RABGAP1L: variants seen among roughly 807,000 people sequenced by gnomAD.
The protein encoded by RABGAP1L is RAB GTPase activating protein 1 like.
Under a neutral mutation model 137.7 loss-of-function variants are expected in RABGAP1L, and 63 were observed. The ratio of observed to expected loss-of-function variants is 0.46; its 90% CI spans 0.37 to 0.56. RABGAP1L has a LOEUF of 0.56. Ranked by LOEUF, RABGAP1L falls within the 20% of genes least tolerant of loss-of-function variation. The probability of loss-of-function intolerance (pLI) is 0.00; values close to 1 mark genes in which losing one functional copy is unlikely to be tolerated. For synonymous variants in RABGAP1L, 431 were observed against 433.7 expected (o/e 0.99, Z 0.08); for missense variants, 1,095 against 1,244.0 (o/e 0.88, Z 1.80).
intron 18 of RABGAP1L, among the ~76,000 whole-genome samples, chr1:174,782,837 A>G (rs937112047): frequency 6.6e-6 from 1 of 152,206 alleles, no homozygotes; most frequent in South Asian, 2.1e-4. Flanking sequence ...TAAAATGCAA[A>G]TTAGGCTAAA....
chr1:174,942,783 C>G (rs968439754), intron 19 of RABGAP1L, among the ~76,000 whole-genome samples: 2 of 152,144 alleles, frequency 1.3e-5, no homozygotes, highest in African/African-American at 4.8e-5. Context: ...AGTGTGCAGT[C>G]CTTCTGTCTG....
At chr1:174,673,781 TG>T (rs1479346815) in intron 14 of RABGAP1L, among the ~76,000 whole-genome samples, 7 of 152,182 alleles carry the variant, frequency 4.6e-5, no homozygotes, top group Non-Finnish European at 7.4e-5. Context: ...TTATATGGAC[TG>T]GGGTTCTAGA....
chr1:174,653,232 G>A lies in RABGAP1L; in HGVS notation c.1824+15744G>A, dbSNP rs183182512. 1.1e-4 allele frequency among the ~76,000 whole-genome samples: 17 copies of A among 152,298 alleles called. No individual in the cohort carries two copies. The East Asian group carries it at 3.3e-3, about 29-fold the overall frequency. On this transcript the variant is annotated intron_variant, in intron 14 of 25. Coordinates refer to ENST00000681986, the MANE Select transcript of RABGAP1L (RefSeq NM_001366446.1). ...AAGACAGCAGATCTTAGCTTGCTGG[G>A]CTCCATGGGGGTGGGATCTGCTGAG...
At chr1:174,373,195 A>G (rs867253028) in intron 12 of RABGAP1L, among the ~76,000 whole-genome samples, 1 of 152,164 alleles carries the variant, frequency 6.6e-6, no homozygotes, top group African/African-American at 2.4e-5. Context: ...TGTGGGATGG[A>G]GAGCGGCAGG....
At chr1:174,346,623 T>G (rs1682454398) in intron 11 of RABGAP1L, among the ~76,000 whole-genome samples, 6 of 152,070 alleles carry the variant, frequency 3.9e-5, no homozygotes, top group Admixed American at 3.9e-4. Context: ...TATTTGGGGC[T>G]TCTCTTTTTT....
At chr1:174,623,005 C>G (rs1572567762) in intron 13 of RABGAP1L, among the ~76,000 whole-genome samples, 1 of 152,238 alleles carries the variant, frequency 6.6e-6, no homozygotes, top group Non-Finnish European at 1.5e-5. Context: ...GTTATGTGAT[C>G]AACTTTTCAC....
At chr1:174,951,675 C>T (rs1415921316) in intron 19 of RABGAP1L, among the ~76,000 whole-genome samples, 1 of 152,072 alleles carries the variant, frequency 6.6e-6, no homozygotes, top group East Asian at 1.9e-4. Flanking sequence ...CAGCCCCCAA[C>T]ATCCACACCT....
chr1:174,655,734 T>C (rs1675920548), intron 14 of RABGAP1L, among the ~76,000 whole-genome samples: 1 of 152,244 alleles, frequency 6.6e-6, no homozygotes, highest in South Asian at 2.1e-4. Context: ...TGAATTCTCA[T>C]TTTATTCAAT....
intron 19 of RABGAP1L, among the ~76,000 whole-genome samples, chr1:174,841,746 G>A (rs555320367): frequency 1.3e-5 from 2 of 152,112 alleles, no homozygotes; most frequent in Middle Eastern, 3.4e-3. Flanking sequence ...GTTCAATCCT[G>A]TGCAAATTAA....
At chr1:174,689,311 T>G (rs975275944) in intron 15 of RABGAP1L, among the ~76,000 whole-genome samples, 15 of 151,812 alleles carry the variant, frequency 9.9e-5, no homozygotes, top group Admixed American at 7.2e-4. Context: ...AAAGGCTTCA[T>G]TTTGAAGTCT....
intron 3 of RABGAP1L, among the ~76,000 whole-genome samples, chr1:174,223,052 G>A (rs570615820): frequency 4.0e-5 from 6 of 151,762 alleles, no homozygotes; most frequent in Admixed American, 2.0e-4. Context: ...GGCAGGTCAC[G>A]AGATCAGGAG....
chr1:174,596,554 T>C (rs1195048426), intron 13 of RABGAP1L, among the ~76,000 whole-genome samples: 1 of 152,246 alleles, frequency 6.6e-6, no homozygotes, highest in Admixed American at 6.5e-5. Context: ...TTGATTTTCA[T>C]ATATTGATTT....
chr1:174,348,940 T>C (rs1682723083), intron 11 of RABGAP1L, among the ~76,000 whole-genome samples: 1 of 152,152 alleles, frequency 6.6e-6, no homozygotes, highest in South Asian at 2.1e-4. Flanking sequence ...AAGCCGCCAT[T>C]GTCATCCTGG....
chr1:174,614,837 A>G (rs542307095), intron 13 of RABGAP1L, among the ~76,000 whole-genome samples: 134 of 152,178 alleles, frequency 8.8e-4, no homozygotes, highest in African/African-American at 2.9e-3. Context: ...TTGATCTTCC[A>G]TCACTGATAC....
intron 14 of RABGAP1L, among the ~76,000 whole-genome samples, chr1:174,680,574 A>T (rs1429413944): frequency 6.6e-6 from 1 of 152,218 alleles, no homozygotes; most frequent in African/African-American, 2.4e-5. Context: ...CATATACAGA[A>T]TGAAGAACTC....
chr1:174,335,244 A>T (rs1365436856), intron 11 of RABGAP1L, among the ~76,000 whole-genome samples: 1 of 152,244 alleles, frequency 6.6e-6, no homozygotes. Flanking sequence ...TGGCATAAAA[A>T]TGCTTTCCTG....
intron 11 of RABGAP1L, among the ~76,000 whole-genome samples, chr1:174,317,885 A>G (rs565602502): frequency 3.3e-5 from 5 of 152,262 alleles, no homozygotes; most frequent in South Asian, 4.2e-4. Flanking sequence ...GGGCATCAGC[A>G]GGAGTTGGGT....
rs543808527 is a variant in RABGAP1L, at chr1:174,653,110, G to T, written c.1824+15622G>T. Reference sequence around the variant, plus strand: ...TTGTTTACACTGTGAGGGGAAAACCGCCTACTCCAGCCTCAGTAATGGTGG... The same window carrying T: ...TTGTTTACACTGTGAGGGGAAAACCTCCTACTCCAGCCTCAGTAATGGTGG... On this transcript the variant is annotated intron_variant, in intron 14 of 25. Coordinates refer to ENST00000681986, the MANE Select transcript of RABGAP1L (RefSeq NM_001366446.1). 8.5e-4 allele frequency among the ~76,000 whole-genome samples: 130 copies of T among 152,230 alleles called. 1 individual carries two copies. Among genetic ancestry groups the T allele is most frequent in the African/African-American group, 3.0e-3 (125 of 41,558 alleles).
intron 13 of RABGAP1L, among the ~76,000 whole-genome samples, chr1:174,472,464 A>G (rs77144320): frequency 0.019 from 2,941 of 152,340 alleles, 45 homozygotes; most frequent in Non-Finnish European, 0.031. Flanking sequence ...TGCTAGGACT[A>G]ACAGGACTCA....
Sources: gnomAD v4.1 joint callset for allele counts (sites outside exome capture counted in the v4.1 genomes callset) on GRCh38, gnomAD v4.1.1 for gene constraint, MANE v1.5 for transcripts, NCBI Gene and HGNC (gene_info 2026-07-23, HGNC 2026-07-21) for gene names.